The following SEMA3D variants were observed in gnomAD, a reference collection of about 807,000 sequenced individuals.
The protein encoded by SEMA3D is semaphorin 3D, also known as semaphorin-3D.
A neutral mutation model predicts 100.1 loss-of-function variants in SEMA3D; 84 were observed. The ratio of observed to expected loss-of-function variants is 0.84; its 90% confidence interval spans 0.70 to 1.01. SEMA3D has a LOEUF of 1.01. Ranked by LOEUF, SEMA3D falls within the 50% of genes least tolerant of loss-of-function variation. The pLI, the probability that SEMA3D is intolerant of heterozygous loss-of-function variation, is 0.00. For synonymous variants in SEMA3D, 312 were observed against 320.7 expected (o/e 0.97, Z 0.29); for missense variants, 875 against 934.1 (o/e 0.94, Z 0.82).
the SEMA3D span, among the ~76,000 whole-genome samples, chr7:85,206,934 A>G: frequency 1.3e-5 from 2 of 152,052 alleles, no homozygotes; most frequent in African/African-American, 4.8e-5. Context: ...ATCATATCCA[A>G]TACATTCTGC....
At chr7:85,154,860 A>C (rs1258342772) in intron 1 of SEMA3D, among the ~76,000 whole-genome samples, 1 of 152,164 alleles carries the variant, frequency 6.6e-6, no homozygotes, top group Non-Finnish European at 1.5e-5. Context: ...TTTTACAAAA[A>C]ATATGCATAA....
At chr7:85,247,871 C>A in the SEMA3D span, among the ~76,000 whole-genome samples, 1 of 152,062 alleles carries the variant, frequency 6.6e-6, no homozygotes, top group Admixed American at 6.5e-5. Context: ...TAGACACAGA[C>A]CTTACCATGC....
chr7:85,225,845 T>A, the SEMA3D span, among the ~76,000 whole-genome samples: 1,429 of 152,288 alleles, frequency 9.4e-3, 13 homozygotes, highest in Non-Finnish European at 0.014. Flanking sequence ...GACAAGGGAA[T>A]CTTTCCCATT....
At chr7:85,066,913 C>CACACACACACACACACACACACAG in intron 7 of SEMA3D, among the ~76,000 whole-genome samples, 3 of 127,760 alleles carry the variant, frequency 2.3e-5, no homozygotes, top group African/African-American at 9.5e-5. Context: ...CACACACACA[C>CACACACACACACACACACACACAG]AGAGAGAGAG....
chr7:85,016,829 A>C (rs189318611), intron 15 of SEMA3D, among the ~76,000 whole-genome samples: 2 of 138,486 alleles, frequency 1.4e-5, no homozygotes, highest in Admixed American at 7.8e-5. Context: ...TATGTTGCCC[A>C]GACTGGACTT....
the SEMA3D span, among the ~76,000 whole-genome samples, chr7:85,244,818 C>A: frequency 6.9e-6 from 1 of 145,402 alleles, no homozygotes; most frequent in Non-Finnish European, 1.5e-5. Context: ...TCAAGTGATT[C>A]TCTTGCTTCA....
rs1791819296 is a variant in SEMA3D at position 85,073,030 on chromosome 7, T to C, written c.427A>G (p.Ile143Val). 2 of 1,611,994 alleles carry C rather than the reference T, an allele frequency of 1.2e-6. No homozygotes were observed. Among genetic ancestry groups the C allele is most frequent in the Non-Finnish European group, 8.5e-7 (1 of 1,178,330 alleles). Residue 143 changes from isoleucine (I) to valine (V), a missense_variant, in exon 6 of 19, where the codon ATA becomes GTA. Physicochemically the swap from Ile to Val is conservative, Grantham distance 29. Transcript: ENST00000284136. ...RVLQPYNKTHIYVCGTGAFHP... is the reference protein window; with the variant it reads ...RVLQPYNKTHVYVCGTGAFHP... ...AATGCTCCAGTTCCACACACATATA[T>C]GTGAGTTTTGTTATAGGGCTGAAGT...
intron 4 of SEMA3D, among the ~76,000 whole-genome samples, chr7:85,095,505 C>T (rs1262900104): frequency 6.6e-6 from 1 of 151,998 alleles, no homozygotes; most frequent in Non-Finnish European, 1.5e-5. Flanking sequence ...AGCCTTCAGC[C>T]CCTCAGAGTC....
At chr7:85,150,487 T>C (rs201738826) in intron 2 of SEMA3D, among the ~76,000 whole-genome samples, 1,366 of 135,914 alleles carry the variant, frequency 0.01, 37 homozygotes, top group African/African-American at 0.033. Context: ...TATATATATA[T>C]ACACACACAC....
chr7:85,151,598 C>T lies in SEMA3D; in HGVS notation c.-41+2010G>A, dbSNP rs1002027691. On this transcript the variant is annotated intron_variant, in intron 2 of 18. Transcript: ENST00000284136. ...TGATGTGTGTATGCATGTGTGTATGCGTGTGTGTGTGTGTGTGTGTGTGTG... is the reference window on the plus strand; with the variant it reads ...TGATGTGTGTATGCATGTGTGTATGTGTGTGTGTGTGTGTGTGTGTGTGTG... 1,089 of 850,906 alleles carry T rather than the reference C, an allele frequency of 1.3e-3. 16 individuals carry two copies. The highest frequency in any genetic ancestry group is 6.2e-4 in the Non-Finnish European group (443 of 709,992). 52.7% of individuals were successfully genotyped at this position (850,906 alleles called of 1,614,324 possible).
chr7:85,105,410 T>A (rs550358718), intron 3 of SEMA3D, among the ~76,000 whole-genome samples: 19 of 152,210 alleles, frequency 1.2e-4, no homozygotes, highest in East Asian at 3.9e-4. Context: ...CAATATGCTT[T>A]CTGAGGCTTG....
At chr7:85,126,327 A>T (rs1173485077) in intron 2 of SEMA3D, among the ~76,000 whole-genome samples, 1 of 150,474 alleles carries the variant, frequency 6.6e-6, no homozygotes, top group Non-Finnish European at 1.5e-5. Context: ...AAAATATGTA[A>T]GTCTTCTTGC....
rs571435793 is a variant in SEMA3D, at chr7:85,081,056, C to T, written c.375+461G>A. Among the ~76,000 whole-genome samples, 7 of 152,084 alleles carry T rather than the reference C, an allele frequency of 4.6e-5. No homozygotes were observed. The South Asian group carries it at 1.5e-3, about 32-fold the overall frequency. ...CTTATTGTTCTTTCCATTATGTCAC[C>T]ACATAAAGGAATTCTTATAGATATT... On this transcript the variant is annotated intron_variant, in intron 5 of 18. Transcript: ENST00000284136.
intron 6 of SEMA3D, among the ~76,000 whole-genome samples, chr7:85,072,269 A>G (rs1181303586): frequency 6.6e-6 from 1 of 152,166 alleles, no homozygotes; most frequent in Non-Finnish European, 1.5e-5. Flanking sequence ...TACATCCTTT[A>G]TTTCCATTAT....
intron 12 of SEMA3D, among the ~76,000 whole-genome samples, chr7:85,027,262 G>A (rs1051792825): frequency 6.6e-6 from 1 of 152,014 alleles, no homozygotes; most frequent in Non-Finnish European, 1.5e-5. Flanking sequence ...CTCTTACAAT[G>A]TTAGAAAGTC....
At chr7:85,164,239 C>G (rs1488948836) in intron 1 of SEMA3D, among the ~76,000 whole-genome samples, 1 of 152,062 alleles carries the variant, frequency 6.6e-6, no homozygotes, top group Non-Finnish European at 1.5e-5. Context: ...AACTAAGTCA[C>G]TACATAATAT....
the SEMA3D span, among the ~76,000 whole-genome samples, chr7:85,194,997 G>C: frequency 6.6e-6 from 1 of 151,972 alleles, no homozygotes; most frequent in Admixed American, 6.6e-5. Context: ...GAGGTGCTAG[G>C]GTTTAGGACT....
chr7:84,999,373 G>A lies in SEMA3D; in HGVS notation c.*67C>T. 2 of 1,215,584 alleles carry A rather than the reference G, an allele frequency of 1.6e-6. No individual in the cohort carries two copies. The highest frequency in any genetic ancestry group is 1.5e-5 in the African/African-American group (1 of 66,482). 75.3% of individuals were successfully genotyped at this position (1,215,584 alleles called of 1,614,324 possible). ...GGAAGCATTTATGAATTACTATAAG[G>A]GATATACAAAACAGAAGGCAATGTT... On this transcript the variant is annotated 3_prime_UTR_variant, in exon 19 of 19. Coordinates refer to ENST00000284136, the MANE Select transcript of SEMA3D (RefSeq NM_001384900.1).
chr7:85,077,486 C>T lies in SEMA3D; in HGVS notation c.375+4031G>A, dbSNP rs146917486. Among the ~76,000 whole-genome samples, 23 of 150,930 alleles carry T rather than the reference C, an allele frequency of 1.5e-4. No homozygotes were observed. In the East Asian group the frequency reaches 3.3e-3, roughly 22 times the overall value. On this transcript the variant is annotated intron_variant, in intron 5 of 18. Transcript: ENST00000284136. The stretch of plus-strand genomic sequence containing the variant: ...TTTATAAGTCTGTAAATAATCAGCA[C>T]GAAAAAGGCAAACAGGAAAATTAAA...
Sources: gnomAD v4.1 joint callset for allele counts (sites outside exome capture counted in the v4.1 genomes callset) on GRCh38, gnomAD v4.1.1 for gene constraint, MANE v1.5 for transcripts, NCBI Gene and HGNC (gene_info 2026-07-23, HGNC 2026-07-21) for gene names.